The following COL13A1 variants were observed in gnomAD, a reference collection of about 807,000 sequenced individuals.
The protein encoded by COL13A1 is collagen alpha-1(XIII) chain.
Under a neutral mutation model 130.9 loss-of-function variants are expected in COL13A1, and 89 were observed. The ratio of observed to expected loss-of-function variants is 0.68; its 90% CI spans 0.57 to 0.81. The LOEUF (loss-of-function observed/expected upper bound fraction) is 0.81, where lower values mean the gene tolerates loss of function less well. Ranked by LOEUF, COL13A1 falls within the 30% of genes least tolerant of loss-of-function variation. The pLI is 0.00. For synonymous variants in COL13A1, 402 were observed against 341.6 expected (o/e 1.18, Z -1.95); for missense variants, 879 against 934.6 (o/e 0.94, Z 0.78).
In COL13A1 at chr10:69,917,271, T is replaced by C; in HGVS notation, c.922-18T>C. 6.2e-7 allele frequency: 1 copy of C among 1,613,620 alleles called. No homozygotes were observed. The stretch of plus-strand genomic sequence containing the variant: ...CGAGTCTGGTCCTCTCCTCATGCTT[T>C]CTCATTTCTTCCTCCAGGGAGAACG... On this transcript the variant is annotated intron_variant, in intron 17 of 40. Transcript: ENST00000645393.
intron 40 of COL13A1, 118 bp from the exon 41 acceptor site, chr10:69,958,581 C>A: frequency 6.6e-7 from 1 of 1,514,688 alleles, no homozygotes; most frequent in Non-Finnish European, 9.0e-7. Flanking sequence ...TCCCACAGTT[C>A]TCCTGTCCAG....
At chr10:69,912,810 G>T (rs1280742223) in intron 17 of COL13A1, among the ~76,000 whole-genome samples, 3 of 152,166 alleles carry the variant, frequency 2.0e-5, no homozygotes, top group Non-Finnish European at 4.4e-5. Flanking sequence ...TCCCTGCCCA[G>T]CTTGTTCAAC....
At chr10:69,849,048 C>G (rs1333207801) in intron 2 of COL13A1, among the ~76,000 whole-genome samples, 3 of 152,266 alleles carry the variant, frequency 2.0e-5, no homozygotes, top group Non-Finnish European at 4.4e-5. Flanking sequence ...TCCCCTCTGG[C>G]TCAGACAGGC....
chr10:69,833,749 T>C (rs1849355709), intron 2 of COL13A1, among the ~76,000 whole-genome samples: 1 of 152,096 alleles, frequency 6.6e-6, no homozygotes, highest in Non-Finnish European at 1.5e-5. Context: ...CTGTGTTTTT[T>C]CCACACACAC....
chr10:69,830,707 G>A (rs143665720), intron 2 of COL13A1, among the ~76,000 whole-genome samples: 166 of 152,244 alleles, frequency 1.1e-3, no homozygotes, highest in African/African-American at 3.7e-3. Flanking sequence ...GGTACGCCAG[G>A]TTCAGTACAT....
At chr10:69,926,001 G>C in intron 26 of COL13A1, 129 bp downstream of exon 26, 1 of 728,822 alleles carries the variant, frequency 1.4e-6, no homozygotes, top group Non-Finnish European at 2.3e-6. Flanking sequence ...AGCGCTTCCA[G>C]GAGAGCTGCT....
intron 38 of COL13A1, among the ~76,000 whole-genome samples, chr10:69,947,665 C>A (rs779334117): frequency 1.3e-5 from 2 of 152,180 alleles, no homozygotes; most frequent in South Asian, 4.1e-4. Context: ...CCTACGTGAT[C>A]ATTTTAGATC....
chr10:69,903,144 A>T (rs2062376178), intron 15 of COL13A1, among the ~76,000 whole-genome samples: 2 of 152,222 alleles, frequency 1.3e-5, no homozygotes, highest in Non-Finnish European at 2.9e-5. Context: ...TGGAAAGAGA[A>T]TTCCCAAGGG....
At chr10:69,942,595 A>G (rs1023666617) in intron 35 of COL13A1, among the ~76,000 whole-genome samples, 3 of 152,318 alleles carry the variant, frequency 2.0e-5, no homozygotes, top group African/African-American at 7.2e-5. Flanking sequence ...TGTGGGGAAA[A>G]AAAATAAGCC....
intron 2 of COL13A1, among the ~76,000 whole-genome samples, chr10:69,842,635 G>A (rs1259458835): frequency 6.6e-6 from 1 of 152,180 alleles, no homozygotes; most frequent in Non-Finnish European, 1.5e-5. Context: ...TGGGCATTTG[G>A]TACAACTGTG....
At chr10:69,873,955 CT>C (rs2059337584) in intron 4 of COL13A1, among the ~76,000 whole-genome samples, 1 of 152,236 alleles carries the variant, frequency 6.6e-6, no homozygotes, top group South Asian at 2.1e-4. Flanking sequence ...CCACATGCTT[CT>C]CAGAGACAGC....
At position 69,825,198 on chromosome 10, in the gene COL13A1, G is replaced by A. The variant is rs542743006; in HGVS notation, c.364+2760G>A. ...CAAAATACTAAAAGTAGGTAGAAGG[G>A]AATTCAGTTCTAACACTCTGGAATG... On this transcript the variant is annotated intron_variant, in intron 2 of 40. Coordinates refer to ENST00000645393, the MANE Select transcript of COL13A1 (RefSeq NM_001368882.1). Among the ~76,000 whole-genome samples the A allele has an allele frequency of 7.9e-5, 12 of 152,340 alleles. No homozygotes were observed. In the East Asian group the frequency reaches 2.1e-3, roughly 27 times the overall value.
chr10:69,936,177 GA>G (rs10711936), intron 32 of COL13A1, among the ~76,000 whole-genome samples: 2,090 of 9,598 alleles, frequency 0.22, 153 homozygotes, highest in South Asian at 0.3. Context: ...AGGAAGGAAG[GA>G]AAGGAAAGGA....
rs371907066 is a variant in COL13A1, at chr10:69,820,634, T to C, written c.295-1735T>C. Among the ~76,000 whole-genome samples, 12 of 152,322 alleles carry C rather than the reference T, an allele frequency of 7.9e-5. No homozygotes were observed. The East Asian group carries it at 1.5e-3, about 20-fold the overall frequency. On this transcript the variant is annotated intron_variant, in intron 1 of 40. Transcript: ENST00000645393. ...CTCTGTGCCCACCTGTACCTTGGCC[T>C]CAACATTCATCCTCCTAATTGTTAC...
chr10:69,923,662 G>A, intron 23 of COL13A1, 140 bp from the exon 24 acceptor site: 1 of 1,089,474 alleles, frequency 9.2e-7, no homozygotes, highest in Non-Finnish European at 1.3e-6. Context: ...GGAGGTGGAA[G>A]AGTGGGAGGT....
At chr10:69,952,810 G>C in intron 38 of COL13A1, 72 bp from the exon 39 acceptor site, 1 of 1,053,344 alleles carries the variant, frequency 9.5e-7, no homozygotes. Context: ...TTCTTTTTCT[G>C]TCTTCAACCT....
chr10:69,832,320 T>G (rs1476005391), intron 2 of COL13A1, among the ~76,000 whole-genome samples: 3 of 152,178 alleles, frequency 2.0e-5, no homozygotes, highest in Admixed American at 6.5e-5. Context: ...TGTCACAGGT[T>G]TAGGGGCCTT....
intron 2 of COL13A1, among the ~76,000 whole-genome samples, chr10:69,827,591 C>T (rs900694668): frequency 1.3e-5 from 2 of 152,150 alleles, no homozygotes; most frequent in Middle Eastern, 3.2e-3. Context: ...TGGAGGCTGG[C>T]CTGGAGGGGA....
intron 38 of COL13A1, among the ~76,000 whole-genome samples, chr10:69,949,291 C>T (rs1466256198): frequency 6.6e-6 from 1 of 152,182 alleles, no homozygotes; most frequent in Non-Finnish European, 1.5e-5. Flanking sequence ...CAAGTGATTT[C>T]CCTGCCTCAG....
Sources: gnomAD v4.1 joint callset for allele counts (sites outside exome capture counted in the v4.1 genomes callset) on GRCh38, gnomAD v4.1.1 for gene constraint, MANE v1.5 for transcripts, NCBI Gene and HGNC (gene_info 2026-07-23, HGNC 2026-07-21) for gene names.